The following CAMK2G variants were observed in gnomAD, a reference collection of about 807,000 sequenced individuals.
CAMK2G encodes the protein calcium/calmodulin-dependent protein kinase type II subunit gamma.
In CAMK2G, 23 loss-of-function variants were observed where a neutral mutation model predicts 88.7. That is an observed-to-expected ratio of 0.26 (90% CI 0.19 to 0.37). The LOEUF is 0.37. Among genes scored for constraint, CAMK2G ranks in the 10% least tolerant of loss-of-function variants. The probability of loss-of-function intolerance (pLI) is 1.00; values close to 1 mark genes in which losing one functional copy is unlikely to be tolerated. For missense variants in CAMK2G, 476 were observed against 780.8 expected (o/e 0.61, Z 4.65); for synonymous variants, 263 against 294.8 (o/e 0.89, Z 1.11).
rs757961566 is a variant in CAMK2G, at chr10:73,813,457, C to A, written c.*1061G>T. ...AGGCAGCCTGAATGCATAGAAACGA[C>A]CACCACCTCTTCTCCCACTGCCTCA... On this transcript the variant is annotated 3_prime_UTR_variant, in exon 23 of 23. Coordinates refer to ENST00000423381, the MANE Select transcript of CAMK2G (RefSeq NM_001367534.1). 1.3e-5 allele frequency: 2 copies of A among 152,688 alleles called. No individual in the cohort carries two copies. The highest frequency in any genetic ancestry group is 2.9e-5 in the Non-Finnish European group (2 of 68,090). The allele number at this position is 152,688 out of a possible 1,614,324, so 9.5% of individuals were successfully genotyped here. A position where few individuals can be genotyped will look rare whatever the true frequency, so the allele number is the denominator to read the frequency against.
chr10:73,821,631 G>C (rs976077533), intron 18 of CAMK2G, 51 bp downstream of exon 18: 1 of 1,442,812 alleles, frequency 6.9e-7, no homozygotes, highest in Non-Finnish European at 9.7e-7. Context: ...TTGGAGCCCA[G>C]GTACCTGGGT....
At chr10:73,827,546 G>A (rs1241681098) in intron 15 of CAMK2G, among the ~76,000 whole-genome samples, 1 of 152,196 alleles carries the variant, frequency 6.6e-6, no homozygotes, top group Non-Finnish European at 1.5e-5. Context: ...GGTGCCCAGT[G>A]TCCCGTGAGA....
intron 14 of CAMK2G, among the ~76,000 whole-genome samples, chr10:73,830,509 G>T (rs2092265602): frequency 6.6e-6 from 1 of 152,182 alleles, no homozygotes; most frequent in African/African-American, 2.4e-5. Context: ...TAAATTTTAA[G>T]CTGGAAAAGC....
rs750090963 is a variant in CAMK2G, at chr10:73,839,381, C to T, written c.1009+158G>A. ...GTTAGGGGGCTCCATAACAACGATG[C>T]GCTTGCAGATGCCAAGTTAGGTAGT... On this transcript the variant is annotated intron_variant, in intron 13 of 22. Transcript: ENST00000423381. The surrounding 1 kb of genome is among the most constrained non-coding windows in gnomAD (Gnocchi z 4.2). Among the ~76,000 whole-genome samples, 2 of 152,236 alleles carry T rather than the reference C, an allele frequency of 1.3e-5. No homozygotes were observed. The highest frequency in any genetic ancestry group is 6.5e-5 in the Admixed American group (1 of 15,290).
chr10:73,857,398 C>T (rs2095115108), intron 3 of CAMK2G, among the ~76,000 whole-genome samples: 1 of 152,154 alleles, frequency 6.6e-6, no homozygotes, highest in African/African-American at 2.4e-5. Flanking sequence ...CCAGAGGTCA[C>T]AGTTACTAAT....
In CAMK2G at chr10:73,839,555, GGCGGCGCTC is replaced by G; in HGVS notation, c.984_992del (p.Ser329_Ala331del). The G allele has an allele frequency of 8.1e-7, 1 of 1,234,988 alleles. No individual in the cohort carries two copies. The highest frequency in any genetic ancestry group is 1.0e-6 in the Non-Finnish European group (1 of 987,818). The allele number at this position is 1,234,988 out of a possible 1,614,324, so 76.5% of individuals were successfully genotyped here. A position where few individuals can be genotyped will look rare whatever the true frequency, so the allele number is the denominator to read the frequency against. ...GCCACGTACCTTGCCCGGCCAGGCCGGCGGCGCTCGCGGCAGGCGAGGCGGGGGCGGAGC... is the reference window on the plus strand; with the variant it reads ...GCCACGTACCTTGCCCGGCCAGGCCGGCGGCAGGCGAGGCGGGGGCGGAGC... On this transcript the variant is annotated inframe_deletion, in exon 13 of 23. Transcript: ENST00000423381. The surrounding 1 kb of genome is among the most constrained non-coding windows in gnomAD (Gnocchi z 4.2).
At chr10:73,867,493 G>C (rs1328502019) in intron 2 of CAMK2G, among the ~76,000 whole-genome samples, 3 of 152,158 alleles carry the variant, frequency 2.0e-5, no homozygotes, top group Non-Finnish European at 4.4e-5. Context: ...AACATCCCAG[G>C]AAGCAGCCCC....
chr10:73,842,584 T>C lies in CAMK2G; in HGVS notation c.820-43A>G. On this transcript the variant is annotated intron_variant, in intron 10 of 22. Coordinates refer to ENST00000423381, the MANE Select transcript of CAMK2G (RefSeq NM_001367534.1). This position sits in a 1 kb window ranked among gnomAD's most constrained non-coding sequence, Gnocchi z 4.6. Reference sequence around the variant, plus strand: ...AGGCTATGAGCCCCAGCCCAGATCCTCTGCGCCTCCCACAGTCCTGGCACC... The same window carrying C: ...AGGCTATGAGCCCCAGCCCAGATCCCCTGCGCCTCCCACAGTCCTGGCACC... 1.4e-6 allele frequency: 2 copies of C among 1,407,690 alleles called. No individual in the cohort carries two copies. Among genetic ancestry groups the C allele is most frequent in the Non-Finnish European group, 2.0e-6 (2 of 992,840 alleles). The allele number at this position is 1,407,690 out of a possible 1,614,324, so 87.2% of individuals were successfully genotyped here. A position where few individuals can be genotyped will look rare whatever the true frequency, so the allele number is the denominator to read the frequency against.
chr10:73,848,087 G>A lies in CAMK2G; in HGVS notation c.602-5C>T, dbSNP rs148967685. On this transcript the variant is annotated splice_polypyrimidine_tract_variant and splice_region_variant and intron_variant, in intron 8 of 22. Coordinates refer to ENST00000423381, the MANE Select transcript of CAMK2G (RefSeq NM_001367534.1). This position sits in a 1 kb window ranked among gnomAD's most constrained non-coding sequence, Gnocchi z 4.5. ...GGAGGATATACAGGATGACCCCTAC[G>A]AGACAGAACACACAGGTCATGGGGG... The A allele has an allele frequency of 4.2e-5, 66 of 1,556,130 alleles. No homozygotes were observed. In the African/African-American group the frequency reaches 5.8e-4, roughly 14 times the overall value.
chr10:73,817,438 G>C (rs2086040695), intron 20 of CAMK2G, 41 bp downstream of exon 20: 2 of 1,344,436 alleles, frequency 1.5e-6, no homozygotes, highest in Non-Finnish European at 2.1e-6. Flanking sequence ...AAGGCCTTGG[G>C]AGATGACTTA....
chr10:73,853,717 G>T (rs1193576323), intron 3 of CAMK2G, among the ~76,000 whole-genome samples: 1 of 152,244 alleles, frequency 6.6e-6, no homozygotes, highest in African/African-American at 2.4e-5. Flanking sequence ...AGCTCAGCAG[G>T]AAGGCACGTG....
chr10:73,860,342 G>C (rs1285551392), intron 3 of CAMK2G, among the ~76,000 whole-genome samples: 1 of 152,278 alleles, frequency 6.6e-6, no homozygotes, highest in Non-Finnish European at 1.5e-5. Context: ...AGCCAGGCAG[G>C]GGGGCAGCTT....
intron 2 of CAMK2G, among the ~76,000 whole-genome samples, chr10:73,871,702 A>G (rs2095837777): frequency 6.6e-6 from 1 of 151,790 alleles, no homozygotes. Context: ...ACCCAGAGAG[A>G]AAGAAAACAA....
At chr10:73,818,865 C>G (rs1388976553) in intron 19 of CAMK2G, 1 of 455,786 alleles carries the variant, frequency 2.2e-6, no homozygotes, top group Admixed American at 2.4e-5. Context: ...GGAAAAGCAG[C>G]AGACAAAGGC....
At position 73,812,909 on chromosome 10, in the gene CAMK2G, G is replaced by A. The variant is rs565370376; in HGVS notation, c.*1609C>T. ...TGGGACATGCATGAGGTGCTCGGAG[G>A]AGCCTGGCTAAATCCAAGCACCAGC... On this transcript the variant is annotated 3_prime_UTR_variant, in exon 23 of 23. Coordinates refer to ENST00000423381, the MANE Select transcript of CAMK2G (RefSeq NM_001367534.1). 6.5e-6 allele frequency: 1 copy of A among 152,862 alleles called. No individual in the cohort carries two copies. Among genetic ancestry groups the A allele is most frequent in the South Asian group, 2.1e-4 (1 of 4,832 alleles). 9.5% of individuals were successfully genotyped at this position (152,862 alleles called of 1,614,324 possible).
intron 1 of CAMK2G, among the ~76,000 whole-genome samples, 175 bp downstream of exon 1, chr10:73,874,222 G>C (rs1031889242): frequency 1.3e-5 from 2 of 149,282 alleles, no homozygotes; most frequent in African/African-American, 4.9e-5. Flanking sequence ...GCGCGGAGGG[G>C]GATGCGGGGC....
chr10:73,820,198 A>G (rs1162047570), intron 18 of CAMK2G, among the ~76,000 whole-genome samples: 1 of 151,968 alleles, frequency 6.6e-6, no homozygotes, highest in Non-Finnish European at 1.5e-5. Context: ...CACTTACTGA[A>G]TTCAGGCAAA....
At chr10:73,827,435 T>A (rs1360441747) in intron 15 of CAMK2G, among the ~76,000 whole-genome samples, 3 of 152,210 alleles carry the variant, frequency 2.0e-5, no homozygotes, top group East Asian at 1.9e-4. Flanking sequence ...CGCCTCGGCC[T>A]CCCAAAGTGC....
At chr10:73,823,972 C>G in intron 17 of CAMK2G, 68 bp downstream of exon 17, 2 of 1,271,488 alleles carry the variant, frequency 1.6e-6, no homozygotes, top group Non-Finnish European at 1.1e-6. Context: ...GCCTGTAGAC[C>G]CCTGGGACCC....
Sources: allele counts gnomAD v4.1 joint callset (sites outside exome capture counted in the v4.1 genomes callset), GRCh38; gene constraint gnomAD v4.1.1; non-coding constraint Gnocchi (gnomAD v3.1); transcripts MANE v1.5; gene names NCBI Gene and HGNC (gene_info 2026-07-23, HGNC 2026-07-21).